COL19A1: variants seen among roughly 807,000 people sequenced by gnomAD.
The protein encoded by COL19A1 is collagen alpha-1(XIX) chain.
In COL19A1, 159 loss-of-function variants were observed where a neutral mutation model predicts 190.2. The ratio of observed to expected loss-of-function variants is 0.84; its 90% CI spans 0.73 to 0.95. COL19A1 has a LOEUF of 0.95. Ranked by LOEUF, COL19A1 falls within the 40% of genes least tolerant of loss-of-function variation. The pLI, the probability that COL19A1 is intolerant of heterozygous loss-of-function variation, is 0.00. For synonymous variants in COL19A1, 509 were observed against 458.9 expected (o/e 1.11, Z -1.39); for missense variants, 1,418 against 1,431.9 (o/e 0.99, Z 0.16).
intron 11 of COL19A1, among the ~76,000 whole-genome samples, chr6:70,003,479 C>G (rs1229683662): frequency 6.6e-6 from 1 of 152,128 alleles, no homozygotes; most frequent in Non-Finnish European, 1.5e-5. Flanking sequence ...GTGTTAAAGT[C>G]TCCCACTATT....
At chr6:70,114,373 C>T (rs942997378) in intron 16 of COL19A1, among the ~76,000 whole-genome samples, 4 of 152,164 alleles carry the variant, frequency 2.6e-5, no homozygotes, top group Non-Finnish European at 5.9e-5. Flanking sequence ...GTCAGACAGA[C>T]CTGAGTTGAA....
chr6:70,134,779 C>G (rs1243926766), intron 18 of COL19A1, among the ~76,000 whole-genome samples: 2 of 152,202 alleles, frequency 1.3e-5, no homozygotes, highest in African/African-American at 4.8e-5. Flanking sequence ...CAAAATACTT[C>G]TATGACCAAA....
chr6:70,114,811 C>T (rs1784471883), intron 16 of COL19A1, among the ~76,000 whole-genome samples: 1 of 152,252 alleles, frequency 6.6e-6, no homozygotes, highest in South Asian at 2.1e-4. Context: ...ACATATTCAT[C>T]ATCTGGAAAA....
chr6:70,086,644 A>G (rs1291557468), intron 15 of COL19A1, among the ~76,000 whole-genome samples: 2 of 152,184 alleles, frequency 1.3e-5, no homozygotes, highest in South Asian at 2.1e-4. Context: ...GTTTTATCTC[A>G]TGTTATCTAC....
At chr6:69,922,809 A>G (rs1176490714) in intron 4 of COL19A1, among the ~76,000 whole-genome samples, 1 of 152,082 alleles carries the variant, frequency 6.6e-6, no homozygotes, top group African/African-American at 2.4e-5. Flanking sequence ...ATTAAACATC[A>G]AAGTATCATA....
chr6:69,962,784 TATC>T lies in COL19A1; in HGVS notation c.982-39_982-37del, dbSNP rs1456020331. 24 of 1,384,322 alleles carry T rather than the reference TATC, an allele frequency of 1.7e-5. No individual in the cohort carries two copies. In the East Asian group the frequency reaches 5.5e-4, roughly 32 times the overall value. 85.8% of individuals were successfully genotyped at this position (1,384,322 alleles called of 1,614,324 possible). A position where few individuals can be genotyped will look rare whatever the true frequency, so the allele number is the denominator to read the frequency against. On this transcript the variant is annotated intron_variant, in intron 10 of 50. Coordinates refer to ENST00000620364, the MANE Select transcript of COL19A1 (RefSeq NM_001858.6). ...TTGTAAAAATTGCATGTGTTATAAG[TATC>T]ATTTTTATTACTATACACATCATAT...
intron 12 of COL19A1, among the ~76,000 whole-genome samples, chr6:70,027,040 A>C (rs1339896486): frequency 1.3e-5 from 2 of 152,144 alleles, no homozygotes; most frequent in Non-Finnish European, 2.9e-5. Context: ...TAGGAATTGA[A>C]AGGTATTATA....
intron 16 of COL19A1, among the ~76,000 whole-genome samples, chr6:70,119,031 T>A (rs1241493420): frequency 1.3e-5 from 2 of 152,322 alleles, no homozygotes; most frequent in South Asian, 4.1e-4. Flanking sequence ...ATCATTATCA[T>A]TCTATTGTTT....
chr6:69,979,653 G>GA (rs1338542521), intron 11 of COL19A1, among the ~76,000 whole-genome samples: 37 of 151,538 alleles, frequency 2.4e-4, no homozygotes, highest in Non-Finnish European at 1.3e-4. Flanking sequence ...TGTAGCACTA[G>GA]AAAAAAGAGA....
chr6:69,884,485 CTG>C (rs140943411), intron 2 of COL19A1, among the ~76,000 whole-genome samples: 3 of 151,960 alleles, frequency 2.0e-5, no homozygotes, highest in African/African-American at 7.3e-5. Context: ...AAGTGATTTT[CTG>C]TGTGTGTGTG....
rs1168107939 is a variant in COL19A1 at position 70,150,166 on chromosome 6, G to A, written c.2037+121G>A. 29 of 1,013,382 alleles carry A rather than the reference G, an allele frequency of 2.9e-5. No homozygotes were observed. The East Asian group carries it at 6.3e-4, about 22-fold the overall frequency. The allele number at this position is 1,013,382 out of a possible 1,614,324, so 62.8% of individuals were successfully genotyped here. A position where few individuals can be genotyped will look rare whatever the true frequency, so the allele number is the denominator to read the frequency against. On this transcript the variant is annotated intron_variant, in intron 30 of 50. Transcript: ENST00000620364. ...TGCTCGGTGACTGCTTGGTGATTTT[G>A]TTTATCCCCATTATTTTGTCGAGTG...
chr6:69,965,331 A>G (rs2150049184), intron 11 of COL19A1, among the ~76,000 whole-genome samples: 1 of 152,350 alleles, frequency 6.6e-6, no homozygotes, highest in East Asian at 1.9e-4. Flanking sequence ...TAAAAATTAC[A>G]TCAACTGCAA....
At chr6:70,009,789 T>C (rs1379189210) in intron 11 of COL19A1, among the ~76,000 whole-genome samples, 3 of 152,096 alleles carry the variant, frequency 2.0e-5, no homozygotes, top group Non-Finnish European at 4.4e-5. Flanking sequence ...CCCACATATA[T>C]CTAGACAAAT....
At chr6:70,084,718 GTA>G (rs1782480408) in intron 15 of COL19A1, among the ~76,000 whole-genome samples, 1 of 152,188 alleles carries the variant, frequency 6.6e-6, no homozygotes, top group Admixed American at 6.5e-5. Context: ...TCCCTCTGCT[GTA>G]GAGTGGCTTT....
At chr6:69,936,032 G>A (rs1019877525) in intron 7 of COL19A1, among the ~76,000 whole-genome samples, 2 of 152,072 alleles carry the variant, frequency 1.3e-5, no homozygotes, top group East Asian at 1.9e-4. Context: ...CTTTCTCTTC[G>A]TGAAATTGCA....
intron 8 of COL19A1, among the ~76,000 whole-genome samples, chr6:69,937,595 A>G (rs1324945990): frequency 6.6e-6 from 1 of 152,160 alleles, no homozygotes; most frequent in African/African-American, 2.4e-5. Context: ...TTTCTAGAGC[A>G]GAGTGTGCCC....
chr6:70,165,752 C>T (rs1230540855), intron 36 of COL19A1, among the ~76,000 whole-genome samples, 189 bp from the exon 37 acceptor site: 1 of 152,196 alleles, frequency 6.6e-6, no homozygotes, highest in African/African-American at 2.4e-5. Context: ...AAGACCTTTA[C>T]CTGTCCTGCG....
chr6:70,189,273 A>G lies in COL19A1; in HGVS notation c.3027+1028A>G, dbSNP rs184316046. On this transcript the variant is annotated intron_variant, in intron 47 of 50. Coordinates refer to ENST00000620364, the MANE Select transcript of COL19A1 (RefSeq NM_001858.6). ...AGACAGGATAGAGGAATTTTCAGTGAAGAGCGATGAGGAACCTACCCAAGA... is the reference window on the plus strand; with the variant it reads ...AGACAGGATAGAGGAATTTTCAGTGGAGAGCGATGAGGAACCTACCCAAGA... Among the ~76,000 whole-genome samples, 3 of 152,322 alleles carry G rather than the reference A, an allele frequency of 2.0e-5. No individual in the cohort carries two copies. The East Asian group carries it at 5.8e-4, about 29-fold the overall frequency.
chr6:70,043,953 A>G (rs1416386571), intron 14 of COL19A1, among the ~76,000 whole-genome samples: 2 of 152,214 alleles, frequency 1.3e-5, no homozygotes, highest in Non-Finnish European at 2.9e-5. Flanking sequence ...ATGGCATCTT[A>G]ACTGCTTTGT....
Sources: gnomAD v4.1 joint callset for allele counts (sites outside exome capture counted in the v4.1 genomes callset) on GRCh38, gnomAD v4.1.1 for gene constraint, MANE v1.5 for transcripts, NCBI Gene and HGNC (gene_info 2026-07-23, HGNC 2026-07-21) for gene names.